EIF5A2: variants seen among roughly 807,000 people sequenced by gnomAD.
EIF5A2 encodes the protein eukaryotic translation initiation factor 5A-2.
Under a neutral mutation model 16.4 loss-of-function variants are expected in EIF5A2, and 15 were observed. That is an observed-to-expected ratio of 0.92 (90% confidence interval 0.61 to 1.41). The LOEUF (loss-of-function observed/expected upper bound fraction) is 1.41, where lower values mean the gene tolerates loss of function less well. Among genes scored for constraint, EIF5A2 ranks in the 40% most tolerant of loss-of-function variants. The pLI is 0.00. For synonymous variants in EIF5A2, 48 were observed against 61.1 expected (o/e 0.79, Z 1.00); for missense variants, 144 against 189.5 (o/e 0.76, Z 1.41).
Position 170,888,773 on chromosome 3 carries a change from C to G in EIF5A2, c.*4587G>C, listed in dbSNP as rs1186386394. On this transcript the variant is annotated 3_prime_UTR_variant, in exon 5 of 5. Transcript: ENST00000295822. The stretch of plus-strand genomic sequence containing the variant: ...TGGGGAGGAAGACAAAAGTACATAA[C>G]AGTATAGAACTAGTCATTTTCATTA... 1.3e-5 allele frequency: 2 copies of G among 152,434 alleles called. No homozygotes were observed. The highest frequency in any genetic ancestry group is 2.9e-5 in the Non-Finnish European group (2 of 67,958). 9.4% of individuals were successfully genotyped at this position (152,434 alleles called of 1,614,324 possible). A position where few individuals can be genotyped will look rare whatever the true frequency, so the allele number is the denominator to read the frequency against.
intron 3 of EIF5A2, among the ~76,000 whole-genome samples, chr3:170,906,213 T>C (rs1712933304): frequency 6.6e-6 from 1 of 152,208 alleles, no homozygotes; most frequent in Non-Finnish European, 1.5e-5. Flanking sequence ...TATGGTATGC[T>C]TGATACAGAA....
intron 4 of EIF5A2, 58 bp from the exon 5 acceptor site, chr3:170,893,477 A>C: frequency 6.4e-7 from 1 of 1,562,884 alleles, no homozygotes; most frequent in African/African-American, 1.4e-5. Flanking sequence ...TAGAAGATAT[A>C]ATTAGTTCCT....
Position 170,907,692 on chromosome 3 carries a change from T to C in EIF5A2, c.115A>G (p.Lys39Glu). The C allele has an allele frequency of 1.2e-6, 2 of 1,610,858 alleles. No homozygotes were observed. Among genetic ancestry groups the C allele is most frequent in the Non-Finnish European group, 1.7e-6 (2 of 1,177,354 alleles). Residue 39 changes from lysine to glutamate, a missense_variant, in exon 2 of 5, where the codon AAA (lysine) becomes GAA (glutamate). Coordinates refer to ENST00000295822, the MANE Select transcript of EIF5A2 (RefSeq NM_020390.6). ...TTGGAAGTTGACATCTCCACTATTT[T>C]GCATGGTCGTCCTTTGAGCACCACG... is the stretch of plus-strand genomic sequence containing the variant. Reference protein sequence around the residue: ...GFVVLKGRPCKIVEMSTSKTG... With the variant: ...GFVVLKGRPCEIVEMSTSKTG...
At position 170,891,338 on chromosome 3, in the gene EIF5A2, A is replaced by G. The variant is rs1362455009; in HGVS notation, c.*2022T>C. ...AGTAGGTACTTAAATAGAATACTGG[A>G]AAGAATGTAGCCTAATTTTAATTGT... On this transcript the variant is annotated 3_prime_UTR_variant, in exon 5 of 5. Transcript: ENST00000295822. 6.6e-6 allele frequency: 1 copy of G among 152,630 alleles called. No homozygotes were observed. The highest frequency in any genetic ancestry group is 6.5e-5 in the Admixed American group (1 of 15,284). 9.5% of individuals were successfully genotyped at this position (152,630 alleles called of 1,614,324 possible). A position where few individuals can be genotyped will look rare whatever the true frequency, so the allele number is the denominator to read the frequency against.
At position 170,888,949 on chromosome 3, in the gene EIF5A2, C is replaced by T. The variant is rs1237823224; in HGVS notation, c.*4411G>A. On this transcript the variant is annotated 3_prime_UTR_variant, in exon 5 of 5. Transcript: ENST00000295822. ...TGTTCGGTCATTGCTGAAAATAGTC[C>T]AGAGTTTTTTAAAAAGTGCAATCTT... The T allele has an allele frequency of 6.6e-6, 1 of 150,954 alleles. No homozygotes were observed. The highest frequency in any genetic ancestry group is 2.4e-5 in the African/African-American group (1 of 40,980). The allele number at this position is 150,954 out of a possible 1,614,324, so 9.4% of individuals were successfully genotyped here. A position where few individuals can be genotyped will look rare whatever the true frequency, so the allele number is the denominator to read the frequency against.
chr3:170,900,880 C>T (rs1316331893), intron 3 of EIF5A2, among the ~76,000 whole-genome samples: 2 of 152,162 alleles, frequency 1.3e-5, no homozygotes, highest in Non-Finnish European at 1.5e-5. Flanking sequence ...GAAGGAATGA[C>T]AGATCATAAA....
chr3:170,892,021 A>T lies in EIF5A2; in HGVS notation c.*1339T>A, dbSNP rs2108291224. On this transcript the variant is annotated 3_prime_UTR_variant, in exon 5 of 5. Transcript: ENST00000295822. ...TAATGCTGCTTCCATGATTCACTTT[A>T]ATTCACTTTAGGAAAAAAAGGACAT... 6.5e-6 allele frequency: 1 copy of T among 152,786 alleles called. No homozygotes were observed. Among genetic ancestry groups the T allele is most frequent in the Admixed American group, 6.5e-5 (1 of 15,298 alleles). 9.5% of individuals were successfully genotyped at this position (152,786 alleles called of 1,614,324 possible).
In EIF5A2 at chr3:170,907,668, T is replaced by G; in HGVS notation, c.139A>C (p.Lys47Gln). The stretch of plus-strand genomic sequence containing the variant: ...TTGGCATGACCATGCTTTCCAGTTT[T>G]GGAAGTTGACATCTCCACTATTTTG... ...PCKIVEMSTS[K>Q]TGKHGHAKVH... is the part of the protein sequence containing the mutation. Residue 47 changes from lysine (K) to glutamine (Q), a missense_variant, in exon 2 of 5, where the codon AAA (lysine) becomes CAA (glutamine). Transcript: ENST00000295822. The G allele has an allele frequency of 1.9e-6, 3 of 1,606,256 alleles. No individual in the cohort carries two copies. Among genetic ancestry groups the G allele is most frequent in the Non-Finnish European group, 2.6e-6 (3 of 1,173,800 alleles).
chr3:170,902,398 CT>C (rs36044967), intron 3 of EIF5A2, among the ~76,000 whole-genome samples: 1,702 of 91,384 alleles, frequency 0.019, 11 homozygotes, highest in African/African-American at 0.049. Context: ...GCCATTCAGC[CT>C]TTTTTTTTTT....
At chr3:170,894,148 A>T (rs1002301214) in intron 4 of EIF5A2, 144 bp downstream of exon 4, 25 of 893,916 alleles carry the variant, frequency 2.8e-5, no homozygotes, top group Admixed American at 2.8e-5. Flanking sequence ...TAAGGGTTTT[A>T]TGGAAAACCT....
At position 170,907,078 on chromosome 3, in the gene EIF5A2, T is replaced by C. The variant is rs1033153117; in HGVS notation, c.181A>G (p.Ile61Val). Residue 61 changes from isoleucine (I) to valine (V), a missense_variant, in exon 3 of 5, where the codon ATT becomes GTT. Ile to Val is a conservative substitution (Grantham distance 29). Coordinates refer to ENST00000295822, the MANE Select transcript of EIF5A2 (RefSeq NM_020390.6). ...HGHAKVHLVGIDIFTGKKYED... is the reference protein window; with the variant it reads ...HGHAKVHLVGVDIFTGKKYED... ...TATTTTTTGCCCGTGAAAATATCAA[T>C]TCCAACAAGGTGAACCTAACAGAGG... 2.5e-6 allele frequency: 4 copies of C among 1,612,122 alleles called. No homozygotes were observed. Among genetic ancestry groups the C allele is most frequent in the African/African-American group, 1.3e-5 (1 of 74,880 alleles).
chr3:170,901,113 T>TA (rs1712802862), intron 3 of EIF5A2, among the ~76,000 whole-genome samples: 1 of 152,136 alleles, frequency 6.6e-6, no homozygotes, highest in African/African-American at 2.4e-5. Flanking sequence ...AGGAACATGT[T>TA]AAAAAACAAG....
At position 170,907,807 on chromosome 3, in the gene EIF5A2, G is replaced by T; in HGVS notation, c.-1C>A. The T allele has an allele frequency of 6.6e-7, 1 of 1,523,502 alleles. No homozygotes were observed. The highest frequency in any genetic ancestry group is 2.3e-5 in the East Asian group (1 of 42,968). The allele number at this position is 1,523,502 out of a possible 1,614,324, so 94.4% of individuals were successfully genotyped here. A position where few individuals can be genotyped will look rare whatever the true frequency, so the allele number is the denominator to read the frequency against. On this transcript the variant is annotated 5_prime_UTR_variant, in exon 2 of 5. Transcript: ENST00000295822. ...TAGTGAAATCAATTTCGTCTGCCAT[G>T]GTGGGCAGGGGAGATGGTAGTTTTT... is the stretch of plus-strand genomic sequence containing the variant.
chr3:170,907,864 C>T, intron 1 of EIF5A2, 23 bp from the exon 2 acceptor site: 1 of 1,471,226 alleles, frequency 6.8e-7, no homozygotes, highest in South Asian at 1.4e-5. Flanking sequence ...TTTGTGTTTG[C>T]TTTTTAACAA....
rs1491552735 is a variant in EIF5A2, at chr3:170,892,421, TCA to T, written c.*937_*938del. ...TCCAGCCTGGCTGATGGAGTGAGACTCAGTCTCAAAAAAAAAAAAAAAAAAAA... is the reference window on the plus strand; with the variant it reads ...TCCAGCCTGGCTGATGGAGTGAGACTGTCTCAAAAAAAAAAAAAAAAAAAA... On this transcript the variant is annotated 3_prime_UTR_variant, in exon 5 of 5. Coordinates refer to ENST00000295822, the MANE Select transcript of EIF5A2 (RefSeq NM_020390.6). 1.6e-5 allele frequency: 2 copies of T among 125,012 alleles called. No homozygotes were observed. The highest frequency in any genetic ancestry group is 2.1e-4 in the Admixed American group (2 of 9,556). 7.7% of individuals were successfully genotyped at this position (125,012 alleles called of 1,614,324 possible). A position where few individuals can be genotyped will look rare whatever the true frequency, so the allele number is the denominator to read the frequency against.
At chr3:170,893,988 G>A (rs953530689) in intron 4 of EIF5A2, among the ~76,000 whole-genome samples, 8 of 150,762 alleles carry the variant, frequency 5.3e-5, no homozygotes, top group East Asian at 2.0e-4. Flanking sequence ...CCGAGATCAC[G>A]CCACTGCACT....
intron 3 of EIF5A2, among the ~76,000 whole-genome samples, chr3:170,904,525 A>C (rs1712885474): frequency 6.6e-6 from 1 of 152,048 alleles, no homozygotes; most frequent in African/African-American, 2.4e-5. Flanking sequence ...ACAGGGTCCC[A>C]CTCTGTCGCC....
At chr3:170,905,840 A>G (rs552885283) in intron 3 of EIF5A2, among the ~76,000 whole-genome samples, 1 of 152,326 alleles carries the variant, frequency 6.6e-6, no homozygotes, top group South Asian at 2.1e-4. Context: ...CTTGTCCAAA[A>G]TCATCCAACT....
At chr3:170,899,779 T>G (rs1191562495) in intron 3 of EIF5A2, among the ~76,000 whole-genome samples, 2 of 152,054 alleles carry the variant, frequency 1.3e-5, no homozygotes, top group Non-Finnish European at 1.5e-5. Context: ...CCAAGCATAT[T>G]TTTGTGCAAA....
Sources: allele counts gnomAD v4.1 joint callset (sites outside exome capture counted in the v4.1 genomes callset), GRCh38; gene constraint gnomAD v4.1.1; transcripts MANE v1.5; gene names NCBI Gene and HGNC (gene_info 2026-07-23, HGNC 2026-07-21).